SLC44A3: variants seen among roughly 807,000 people sequenced by gnomAD.
The protein encoded by SLC44A3 is solute carrier family 44 member 3.
Under a neutral mutation model 75.4 loss-of-function variants are expected in SLC44A3, and 74 were observed. The observed-to-expected ratio is 0.98, with a 90% CI of 0.81 to 1.19. The LOEUF (loss-of-function observed/expected upper bound fraction) is 1.19. SLC44A3 is among the 50% of genes most tolerant of loss of function. The pLI, the probability that SLC44A3 is intolerant of heterozygous loss-of-function variation, is 0.00. For missense variants in SLC44A3, 700 were observed against 778.6 expected, an observed-to-expected ratio of 0.90 and a Z score of 1.20; for synonymous variants, 310 against 296.9, an observed-to-expected ratio of 1.04 and a Z score of -0.45.
At position 94,824,510 on chromosome 1, in the gene SLC44A3, C is replaced by T. The variant is rs1427793652; in HGVS notation, c.153C>T (p.Tyr51=). Residue 51 remains tyrosine (Y), a synonymous_variant, in exon 3 of 15, where the codon TAC becomes TAT. Coordinates refer to ENST00000271227, the MANE Select transcript of SLC44A3 (RefSeq NM_001114106.3). ...FWTGLVFIMG[Y]SVVAGAAGRL... The stretch of plus-strand genomic sequence containing the variant: ...TTTGCCAGGTGTTTATCATGGGCTA[C>T]TCGGTGGTGGCTGGAGCCGCGGGAA... 17 of 1,606,660 alleles carry T rather than the reference C, an allele frequency of 1.1e-5. No homozygotes were observed. Among genetic ancestry groups the T allele is most frequent in the Non-Finnish European group, 1.4e-5 (17 of 1,177,878 alleles).
intron 5 of SLC44A3, among the ~76,000 whole-genome samples, chr1:94,836,355 A>C (rs1662778459): frequency 6.6e-6 from 1 of 152,226 alleles, no homozygotes; most frequent in Admixed American, 6.5e-5. Context: ...GAAGCTAAAA[A>C]AAGGTCAACT....
chr1:94,878,155 A>AC (rs901465555), intron 12 of SLC44A3, among the ~76,000 whole-genome samples: 3 of 151,620 alleles, frequency 2.0e-5, no homozygotes, highest in African/African-American at 4.9e-5. Flanking sequence ...AATGGCGTGA[A>AC]CCCCAGGGGG....
chr1:94,890,450 C>A (rs1670083366), intron 12 of SLC44A3, among the ~76,000 whole-genome samples: 1 of 152,154 alleles, frequency 6.6e-6, no homozygotes, highest in African/African-American at 2.4e-5. Context: ...CTTTGCAAAA[C>A]CCTAGTAATT....
At chr1:94,835,746 G>T (rs566997973) in intron 5 of SLC44A3, among the ~76,000 whole-genome samples, 1 of 152,040 alleles carries the variant, frequency 6.6e-6, no homozygotes, top group Non-Finnish European at 1.5e-5. Context: ...GAGCTCAGCC[G>T]CAAATTCCAT....
chr1:94,893,682 A>G (rs763400797), intron 14 of SLC44A3, among the ~76,000 whole-genome samples: 4 of 152,132 alleles, frequency 2.6e-5, no homozygotes, highest in Non-Finnish European at 5.9e-5. Context: ...CAGCCAAAAT[A>G]CAATTTTTAC....
At chr1:94,871,815 G>T (rs1404572735) in intron 12 of SLC44A3, among the ~76,000 whole-genome samples, 1 of 152,194 alleles carries the variant, frequency 6.6e-6, no homozygotes, top group Non-Finnish European at 1.5e-5. Flanking sequence ...AGTAAAGCGT[G>T]TGTTATTAAA....
chr1:94,884,035 A>ATTT (rs10665162), intron 12 of SLC44A3, among the ~76,000 whole-genome samples: 7 of 151,984 alleles, frequency 4.6e-5, no homozygotes, highest in Non-Finnish European at 8.8e-5. Flanking sequence ...GTGTTGTTTG[A>ATTT]TTTTTTTAAG....
Position 94,837,698 on chromosome 1 carries a change from T to C in SLC44A3, c.510-13T>C. On this transcript the variant is annotated splice_polypyrimidine_tract_variant and intron_variant, in intron 5 of 14. Transcript: ENST00000271227. ...AATAAACATTTTTGCCATCTTTTTT[T>C]CTCTATTTTTAGCAAGTCATTTCCC... 2 of 1,541,094 alleles carry C rather than the reference T, an allele frequency of 1.3e-6. No individual in the cohort carries two copies. The highest frequency in any genetic ancestry group is 1.7e-6 in the Non-Finnish European group (2 of 1,147,566).
intron 14 of SLC44A3, 129 bp from the exon 15 acceptor site, chr1:94,894,689 T>C: frequency 1.5e-6 from 1 of 689,652 alleles, no homozygotes. Flanking sequence ...TTTCTCCTGT[T>C]AATCTGCCTT....
chr1:94,835,848 A>G (rs1237747137), intron 5 of SLC44A3, among the ~76,000 whole-genome samples: 1 of 152,240 alleles, frequency 6.6e-6, no homozygotes, highest in Admixed American at 6.5e-5. Flanking sequence ...GAGGAAATGT[A>G]CTTCGGTAGC....
chr1:94,870,569 C>T (rs538371834), intron 12 of SLC44A3, among the ~76,000 whole-genome samples: 1 of 152,214 alleles, frequency 6.6e-6, no homozygotes, highest in South Asian at 2.1e-4. Flanking sequence ...TGGAGATCAC[C>T]AGCTACTAAC....
rs1408197174 is a variant in SLC44A3 at position 94,824,776 on chromosome 1, A to C, written c.278+141A>C. The C allele has an allele frequency of 5.0e-6, 5 of 999,764 alleles. No homozygotes were observed. The African/African-American group carries it at 8.3e-5, about 17-fold the overall frequency. 61.9% of individuals were successfully genotyped at this position (999,764 alleles called of 1,614,324 possible). A position where few individuals can be genotyped will look rare whatever the true frequency, so the allele number is the denominator to read the frequency against. On this transcript the variant is annotated intron_variant, in intron 3 of 14. Transcript: ENST00000271227. ...TAAAAAGGAAGGCTGTGTATATAGT[A>C]CAGGTAAGAGTACAAGTTTTAGAAT...
intron 12 of SLC44A3, among the ~76,000 whole-genome samples, chr1:94,870,906 C>G (rs920789472): frequency 6.6e-6 from 1 of 152,312 alleles, no homozygotes. Flanking sequence ...GTCTTGAACT[C>G]CTGACCTCAG....
intron 1 of SLC44A3, 80 bp downstream of exon 1, chr1:94,820,558 C>A (rs1234209767): frequency 4.2e-6 from 6 of 1,441,988 alleles, no homozygotes; most frequent in Middle Eastern, 1.9e-4. Flanking sequence ...ACCTTCCCTG[C>A]CGGACGCTTC....
At chr1:94,848,005 G>A (rs1445699974) in intron 9 of SLC44A3, among the ~76,000 whole-genome samples, 1 of 152,170 alleles carries the variant, frequency 6.6e-6, no homozygotes, top group Non-Finnish European at 1.5e-5. Flanking sequence ...AAGGCGGGCG[G>A]ATCATGAGGT....
intron 12 of SLC44A3, among the ~76,000 whole-genome samples, chr1:94,888,060 C>A (rs912362108): frequency 6.6e-6 from 1 of 152,178 alleles, no homozygotes; most frequent in African/African-American, 2.4e-5. Flanking sequence ...ATCCTCCCAA[C>A]ATCCCTTTGC....
At chr1:94,885,946 G>T (rs574605680) in intron 12 of SLC44A3, among the ~76,000 whole-genome samples, 6 of 152,230 alleles carry the variant, frequency 3.9e-5, no homozygotes, top group Non-Finnish European at 7.3e-5. Context: ...CTATCATTAG[G>T]TCTGTGCCAA....
intron 12 of SLC44A3, among the ~76,000 whole-genome samples, chr1:94,870,035 T>C (rs1667582219): frequency 1.3e-5 from 2 of 152,234 alleles, no homozygotes; most frequent in African/African-American, 2.4e-5. Flanking sequence ...TAAATCCTAG[T>C]AGGGAGGCAG....
chr1:94,847,899 C>G (rs1664623783), intron 9 of SLC44A3, among the ~76,000 whole-genome samples: 1 of 152,166 alleles, frequency 6.6e-6, no homozygotes, highest in African/African-American at 2.4e-5. Context: ...CCTTACACCT[C>G]CCTTGCATCT....
Sources: allele counts gnomAD v4.1 joint callset (sites outside exome capture counted in the v4.1 genomes callset), GRCh38; gene constraint gnomAD v4.1.1; transcripts MANE v1.5; gene names NCBI Gene and HGNC (gene_info 2026-07-23, HGNC 2026-07-21).